The following KCTD16 variants were observed in gnomAD, a reference collection of about 807,000 sequenced individuals.
KCTD16 encodes the protein potassium channel tetramerization domain containing 16.
Under a neutral mutation model 33.2 loss-of-function variants are expected in KCTD16, and 13 were observed. The observed-to-expected ratio is 0.39, with a 90% confidence interval of 0.25 to 0.62. The LOEUF is 0.62. Among genes scored for constraint, KCTD16 ranks in the 20% least tolerant of loss-of-function variants. The pLI, the probability that KCTD16 is intolerant of heterozygous loss-of-function variation, is 0.50. For synonymous variants in KCTD16, 197 were observed against 195.3 expected, an observed-to-expected ratio of 1.01 and a Z score of -0.07; for missense variants, 441 against 525.1, an observed-to-expected ratio of 0.84 and a Z score of 1.57.
intron 3 of KCTD16, among the ~76,000 whole-genome samples, chr5:144,330,150 C>T (rs1050629608): frequency 8.5e-5 from 13 of 152,062 alleles, no homozygotes; most frequent in Non-Finnish European, 1.2e-4. Flanking sequence ...TGGTGGCTCA[C>T]GCCTGTAATC....
chr5:144,427,251 C>A (rs543758457), intron 3 of KCTD16, among the ~76,000 whole-genome samples: 2 of 151,094 alleles, frequency 1.3e-5, no homozygotes, highest in East Asian at 2.0e-4. Flanking sequence ...TTGAATTAAG[C>A]GGGGGGAGGG....
In KCTD16 at chr5:144,250,046, T is replaced by C. The variant is rs77924885; in HGVS notation, c.832+42500T>C. On this transcript the variant is annotated intron_variant, in intron 3 of 3. Coordinates refer to ENST00000512467, the MANE Select transcript of KCTD16 (RefSeq NM_020768.4). ...TGACTGGTATATTTAAATAACTTTC[T>C]TTAATTTACATACATATTTCTCAGA... 1.2e-4 allele frequency among the ~76,000 whole-genome samples: 19 copies of C among 152,330 alleles called. No individual in the cohort carries two copies. In the East Asian group the frequency reaches 3.3e-3, roughly 26 times the overall value.
At chr5:144,190,768 T>C (rs929297281) in intron 2 of KCTD16, among the ~76,000 whole-genome samples, 2 of 152,244 alleles carry the variant, frequency 1.3e-5, no homozygotes, top group Admixed American at 1.3e-4. Context: ...ACATTCTATA[T>C]GCTTATTCAT....
intron 3 of KCTD16, among the ~76,000 whole-genome samples, chr5:144,323,239 T>C (rs924217624): frequency 1.3e-5 from 2 of 152,170 alleles, no homozygotes; most frequent in Non-Finnish European, 2.9e-5. Flanking sequence ...GTGGACCAAC[T>C]GGGGCGCTAA....
In KCTD16 at chr5:144,272,437, A is replaced by T. The variant is rs76174006; in HGVS notation, c.832+64891A>T. ...AAGAGTGAAACTCCATCTCAAAAAAAGGAAAGAAAGAGAGAAAAAGTCCTT... is the reference window on the plus strand; with the variant it reads ...AAGAGTGAAACTCCATCTCAAAAAATGGAAAGAAAGAGAGAAAAAGTCCTT... On this transcript the variant is annotated intron_variant, in intron 3 of 3. Coordinates refer to ENST00000512467, the MANE Select transcript of KCTD16 (RefSeq NM_020768.4). Among the ~76,000 whole-genome samples, 1,496 of 152,308 alleles carry T rather than the reference A, an allele frequency of 9.8e-3. 21 individuals carry two copies. Among genetic ancestry groups the T allele is most frequent in the African/African-American group, 0.034 (1,406 of 41,564 alleles).
chr5:144,372,014 T>C (rs1751978121), intron 3 of KCTD16, among the ~76,000 whole-genome samples: 2 of 152,144 alleles, frequency 1.3e-5, no homozygotes, highest in Admixed American at 1.3e-4. Context: ...GGATTGGACA[T>C]GTCTATCTGC....
intron 3 of KCTD16, among the ~76,000 whole-genome samples, chr5:144,450,968 GA>G (rs1561612723): frequency 6.6e-6 from 1 of 151,964 alleles, no homozygotes; most frequent in East Asian, 1.9e-4. Context: ...ATTGCAAAAA[GA>G]AATAAAAACA....
intron 3 of KCTD16, among the ~76,000 whole-genome samples, chr5:144,366,574 C>T (rs1320107200): frequency 2.6e-5 from 4 of 152,182 alleles, no homozygotes; most frequent in African/African-American, 9.6e-5. Context: ...TGTTTGCAGG[C>T]AATCTATGAA....
chr5:144,363,076 G>A (rs1036988922), intron 3 of KCTD16, among the ~76,000 whole-genome samples: 17 of 152,094 alleles, frequency 1.1e-4, no homozygotes, highest in Non-Finnish European at 2.5e-4. Context: ...TATATGCCAG[G>A]CACGGTGGCT....
chr5:144,472,520 A>G (rs1444523410), intron 3 of KCTD16, among the ~76,000 whole-genome samples: 2 of 152,236 alleles, frequency 1.3e-5, no homozygotes, highest in Non-Finnish European at 2.9e-5. Flanking sequence ...TTAAAAAATG[A>G]CACAGAATAT....
intron 3 of KCTD16, among the ~76,000 whole-genome samples, chr5:144,359,324 T>C (rs1411711520): frequency 1.3e-5 from 2 of 152,114 alleles, no homozygotes; most frequent in African/African-American, 4.8e-5. Context: ...TGGCATGAAG[T>C]GGTAGAAACT....
chr5:144,192,741 G>A (rs1752867202), intron 2 of KCTD16, among the ~76,000 whole-genome samples: 1 of 152,172 alleles, frequency 6.6e-6, no homozygotes, highest in African/African-American at 2.4e-5. Context: ...CACTATTTTT[G>A]AAATGATTTA....
intron 3 of KCTD16, among the ~76,000 whole-genome samples, chr5:144,434,051 C>A (rs1009418456): frequency 6.6e-6 from 1 of 152,272 alleles, no homozygotes; most frequent in African/African-American, 2.4e-5. Flanking sequence ...AACTGTTTCC[C>A]ACTTCCTAGC....
intron 3 of KCTD16, among the ~76,000 whole-genome samples, chr5:144,398,333 T>C (rs1300518691): frequency 2.0e-5 from 3 of 152,192 alleles, no homozygotes; most frequent in South Asian, 2.1e-4. Context: ...AAGAGCTGCT[T>C]GCATCTGTTA....
At chr5:144,324,497 C>T (rs564713844) in intron 3 of KCTD16, among the ~76,000 whole-genome samples, 2 of 152,254 alleles carry the variant, frequency 1.3e-5, no homozygotes, top group South Asian at 2.1e-4. Flanking sequence ...ATTAGTTCAA[C>T]CATTGTGGAA....
chr5:144,187,460 A>G (rs1369214308), intron 2 of KCTD16, among the ~76,000 whole-genome samples: 3 of 152,180 alleles, frequency 2.0e-5, no homozygotes, highest in Admixed American at 6.5e-5. Flanking sequence ...ACACACACAC[A>G]TACACACAGG....
At chr5:144,391,768 A>C (rs781436251) in intron 3 of KCTD16, among the ~76,000 whole-genome samples, 2 of 152,246 alleles carry the variant, frequency 1.3e-5, no homozygotes, top group Non-Finnish European at 2.9e-5. Flanking sequence ...AGGCATAAAG[A>C]CGTGTTTAAT....
intron 3 of KCTD16, among the ~76,000 whole-genome samples, chr5:144,248,483 T>C (rs1354393028): frequency 1.3e-5 from 2 of 152,174 alleles, no homozygotes; most frequent in Non-Finnish European, 2.9e-5. Flanking sequence ...GGAATTTGAT[T>C]TTGTCTCTAA....
At chr5:144,391,045 C>T (rs1481486136) in intron 3 of KCTD16, among the ~76,000 whole-genome samples, 2 of 152,138 alleles carry the variant, frequency 1.3e-5, no homozygotes, top group Non-Finnish European at 2.9e-5. Flanking sequence ...ATTTCCCCCT[C>T]CATCCTTTCC....
Sources: allele counts gnomAD v4.1 joint callset (sites outside exome capture counted in the v4.1 genomes callset), GRCh38; gene constraint gnomAD v4.1.1; transcripts MANE v1.5; gene names NCBI Gene and HGNC (gene_info 2026-07-23, HGNC 2026-07-21).